Variants in COL22A1 observed in about 807,000 individuals in gnomAD.
The protein encoded by COL22A1 is collagen type XXII alpha 1 chain.
A neutral mutation model predicts 248.9 loss-of-function variants in COL22A1; 221 were observed. The observed-to-expected ratio is 0.89, with a 90% CI of 0.80 to 0.99. The LOEUF (loss-of-function observed/expected upper bound fraction) is 0.99. COL22A1 is among the 50% of genes least tolerant of loss of function. COL22A1 has a pLI of 0.00. For missense variants in COL22A1, 2,240 were observed against 2,179.0 expected (o/e 1.03, Z -0.56); for synonymous variants, 891 against 793.4 (o/e 1.12, Z -2.07).
chr8:138,875,539 T>C (rs1050142941), intron 3 of COL22A1, among the ~76,000 whole-genome samples: 2 of 152,202 alleles, frequency 1.3e-5, no homozygotes, highest in Non-Finnish European at 2.9e-5. Context: ...TAGAATTCAT[T>C]GTTCCTGAGC....
intron 7 of COL22A1, among the ~76,000 whole-genome samples, chr8:138,820,680 A>G (rs548043535): frequency 1.3e-5 from 2 of 152,282 alleles, no homozygotes; most frequent in South Asian, 4.1e-4. Context: ...TTTATCAGAA[A>G]CTATTATATA....
At chr8:138,808,242 G>A (rs1442789876) in intron 9 of COL22A1, among the ~76,000 whole-genome samples, 6 of 152,168 alleles carry the variant, frequency 3.9e-5, no homozygotes, top group Admixed American at 3.9e-4. Context: ...GTAAGTATTT[G>A]AGAGGATGGA....
At chr8:138,656,993 C>T (rs1245688360) in intron 44 of COL22A1, among the ~76,000 whole-genome samples, 1 of 152,186 alleles carries the variant, frequency 6.6e-6, no homozygotes, top group African/African-American at 2.4e-5. Flanking sequence ...AAACAGGTAA[C>T]ACGAGTTTGT....
intron 2 of COL22A1, among the ~76,000 whole-genome samples, chr8:138,881,391 A>G (rs1242084850): frequency 6.6e-6 from 1 of 151,754 alleles, no homozygotes; most frequent in Non-Finnish European, 1.5e-5. Flanking sequence ...AAAGCCTTAG[A>G]ATGTCACTTT....
chr8:138,786,617 A>G (rs1308376591), intron 12 of COL22A1, among the ~76,000 whole-genome samples: 3 of 152,148 alleles, frequency 2.0e-5, no homozygotes, highest in Admixed American at 6.5e-5. Context: ...TTGAAATGAG[A>G]AAGTTAGGCT....
intron 13 of COL22A1, 110 bp from the exon 14 acceptor site, chr8:138,779,672 C>A: frequency 1.4e-6 from 1 of 718,778 alleles, no homozygotes. Context: ...CAGAACACAT[C>A]ACAGAAACAA....
intron 42 of COL22A1, among the ~76,000 whole-genome samples, chr8:138,662,478 A>G (rs1012129234): frequency 2.0e-5 from 3 of 152,200 alleles, no homozygotes; most frequent in African/African-American, 7.2e-5. Flanking sequence ...TTCCTTGTGC[A>G]AGACCCAGCA....
rs747771641 is a variant in COL22A1, at chr8:138,630,740, A to G, written c.3618T>C (p.Asp1206=). 1.2e-6 allele frequency: 2 copies of G among 1,613,814 alleles called. No homozygotes were observed. Among genetic ancestry groups the G allele is most frequent in the African/African-American group, 2.7e-5 (2 of 74,906 alleles). The change falls in exon 50 of 65, where the codon GAT becomes GAC. Residue 1206 remains aspartate (D), a synonymous_variant. Transcript: ENST00000303045. ...PPGNPGPPGA[D]GIAGAAGPPG... ...GTGGTCCAGCAGCTCCTGCAATTCC[A>G]TCTGCCCCCTAAAAAAGACAAGGCA...
At chr8:138,636,016 T>C (rs1186826860) in intron 48 of COL22A1, among the ~76,000 whole-genome samples, 2 of 151,962 alleles carry the variant, frequency 1.3e-5, no homozygotes, top group East Asian at 3.9e-4. Context: ...TGGCTGACAA[T>C]GAGCACTGGC....
At chr8:138,859,867 C>T (rs118056130) in intron 3 of COL22A1, among the ~76,000 whole-genome samples, 4,859 of 148,488 alleles carry the variant, frequency 0.033, 95 homozygotes, top group Middle Eastern at 0.052. Context: ...TGCCCATCCC[C>T]GCACCTTGAG....
At chr8:138,720,936 A>G (rs1829824115) in intron 26 of COL22A1, 144 bp from the exon 27 acceptor site, 2 of 719,216 alleles carry the variant, frequency 2.8e-6, no homozygotes, top group South Asian at 3.0e-5. Flanking sequence ...TTACCTAACC[A>G]CAGTCATCAA....
intron 40 of COL22A1, 117 bp downstream of exon 40, chr8:138,679,500 C>T: frequency 2.3e-6 from 2 of 858,600 alleles, no homozygotes; most frequent in Non-Finnish European, 3.9e-6. Context: ...ATGTTCTAAG[C>T]TTCCAAAGCC....
At position 138,623,765 on chromosome 8, in the gene COL22A1, G is replaced by T; in HGVS notation, c.3738C>A (p.Gly1246=). ...PGIPGEEGKE[G]RDGKPGPPGE... ...CAGGGGGACCCGGCTTTCCATCTCTGCCCTCTTTGCCTTCTTCTCCCTGCA... is the reference window on the plus strand; with the variant it reads ...CAGGGGGACCCGGCTTTCCATCTCTTCCCTCTTTGCCTTCTTCTCCCTGCA... The change falls in exon 52 of 65, where the codon GGC becomes GGA. Residue 1246 remains glycine (G), a synonymous_variant. Transcript: ENST00000303045. The T allele has an allele frequency of 6.2e-7, 1 of 1,612,594 alleles. No individual in the cohort carries two copies. Among genetic ancestry groups the T allele is most frequent in the South Asian group, 1.1e-5 (1 of 90,912 alleles).
chr8:138,908,208 T>C (rs1815170538), intron 1 of COL22A1, among the ~76,000 whole-genome samples: 1 of 152,232 alleles, frequency 6.6e-6, no homozygotes, highest in Non-Finnish European at 1.5e-5. Flanking sequence ...CTGTGCTAGA[T>C]GCCCATGTTT....
intron 56 of COL22A1, among the ~76,000 whole-genome samples, chr8:138,610,439 T>C (rs1337131852): frequency 6.6e-6 from 1 of 152,236 alleles, no homozygotes; most frequent in Non-Finnish European, 1.5e-5. Flanking sequence ...TGTGTGACCT[T>C]GCCAGAATCC....
intron 41 of COL22A1, among the ~76,000 whole-genome samples, chr8:138,674,510 C>T (rs1825343330): frequency 6.6e-6 from 1 of 152,190 alleles, no homozygotes; most frequent in Non-Finnish European, 1.5e-5. Flanking sequence ...CAAGAGGTAG[C>T]CAAGATACTA....
At chr8:138,830,043 G>GA (rs1819917496) in intron 5 of COL22A1, among the ~76,000 whole-genome samples, 1 of 152,118 alleles carries the variant, frequency 6.6e-6, no homozygotes, top group South Asian at 2.1e-4. Flanking sequence ...TAATCAGGGA[G>GA]AAAAAAGATC....
At position 138,591,411 on chromosome 8, in the gene COL22A1, GA is replaced by G. The variant is rs773522174; in HGVS notation, c.4693+12del. The G allele has an allele frequency of 4.3e-5, 67 of 1,569,684 alleles. No homozygotes were observed. The highest frequency in any genetic ancestry group is 1.7e-4 in the Middle Eastern group (1 of 5,982). ...CTCACACCCTACCCCTGAGACTGCAGAATGAGTCATACCTGGGATTCCAGGG... is the reference window on the plus strand; with the variant it reads ...CTCACACCCTACCCCTGAGACTGCAGATGAGTCATACCTGGGATTCCAGGG... On this transcript the variant is annotated intron_variant, in intron 64 of 64. Coordinates refer to ENST00000303045, the MANE Select transcript of COL22A1 (RefSeq NM_152888.3).
chr8:138,684,851 C>G (rs751502969), intron 38 of COL22A1, among the ~76,000 whole-genome samples: 1 of 152,210 alleles, frequency 6.6e-6, no homozygotes, highest in Non-Finnish European at 1.5e-5. Flanking sequence ...CATGATTCTA[C>G]GTTTGGAAGT....
Sources: gnomAD v4.1 joint callset for allele counts (sites outside exome capture counted in the v4.1 genomes callset) on GRCh38, gnomAD v4.1.1 for gene constraint, MANE v1.5 for transcripts, NCBI Gene and HGNC (gene_info 2026-07-23, HGNC 2026-07-21) for gene names.